RMND1: variants seen among roughly 807,000 people sequenced by gnomAD.
RMND1 encodes required for meiotic nuclear division 1 homolog, also known as required for meiotic nuclear division protein 1 homolog.
In RMND1, 41 loss-of-function variants were observed where a neutral mutation model predicts 54.0. The ratio of observed to expected loss-of-function variants is 0.76; its 90% CI spans 0.59 to 0.98. The LOEUF (loss-of-function observed/expected upper bound fraction) is 0.98. RMND1 is among the 50% of genes least tolerant of loss of function. The probability of loss-of-function intolerance (pLI) is 0.00; values close to 1 mark genes in which losing one functional copy is unlikely to be tolerated. For synonymous variants in RMND1, 183 were observed against 181.7 expected (o/e 1.01, Z -0.06); for missense variants, 457 against 532.0 (o/e 0.86, Z 1.39).
chr6:151,418,928 G>A (rs1239215446), intron 9 of RMND1, among the ~76,000 whole-genome samples: 6 of 150,530 alleles, frequency 4.0e-5, no homozygotes, highest in African/African-American at 1.2e-4. Flanking sequence ...GTGCCACCAC[G>A]CCCGGCTAAT....
Position 151,405,129 on chromosome 6 carries a change from G to T in RMND1, c.*106C>A. The T allele has an allele frequency of 1.0e-6, 1 of 983,254 alleles. No homozygotes were observed. The allele number at this position is 983,254 out of a possible 1,614,324, so 60.9% of individuals were successfully genotyped here. A position where few individuals can be genotyped will look rare whatever the true frequency, so the allele number is the denominator to read the frequency against. Reference sequence around the variant, plus strand: ...TCTCAAGCCACCCTTCTTGGCCTCCGAAAGTGCTGGGATTACAGGCATGAG... The same window carrying T: ...TCTCAAGCCACCCTTCTTGGCCTCCTAAAGTGCTGGGATTACAGGCATGAG... On this transcript the variant is annotated 3_prime_UTR_variant, in exon 12 of 12. Coordinates refer to ENST00000444024, the MANE Select transcript of RMND1 (RefSeq NM_017909.4).
chr6:151,423,390 T>C (rs1388379127), intron 7 of RMND1, 135 bp downstream of exon 7: 1 of 605,456 alleles, frequency 1.7e-6, no homozygotes, highest in Non-Finnish European at 2.9e-6. Flanking sequence ...TTTTTTCTGA[T>C]GGAGGGAAAA....
Position 151,422,040 on chromosome 6 carries a change from T to G in RMND1, c.1002+501A>C, listed in dbSNP as rs531037431. 1.1e-4 allele frequency among the ~76,000 whole-genome samples: 17 copies of G among 152,308 alleles called. 1 individual carries two copies. Among genetic ancestry groups the G allele is most frequent in the African/African-American group, 3.4e-4 (14 of 41,570 alleles). On this transcript the variant is annotated intron_variant, in intron 8 of 11. Transcript: ENST00000444024. Reference sequence around the variant, plus strand: ...AAAAAGTAATCAATATGAAGTTTCTTAATTTGTCATTTTATATGTAACTGG... The same window carrying G: ...AAAAAGTAATCAATATGAAGTTTCTGAATTTGTCATTTTATATGTAACTGG...
chr6:151,407,247 T>A (rs1390072374), intron 10 of RMND1, among the ~76,000 whole-genome samples: 1 of 152,158 alleles, frequency 6.6e-6, no homozygotes, highest in East Asian at 1.9e-4. Flanking sequence ...ATGGTCACCC[T>A]GTAGTTTCTA....
intron 2 of RMND1, among the ~76,000 whole-genome samples, chr6:151,437,771 C>A (rs190310510): frequency 2.2e-3 from 340 of 152,270 alleles, no homozygotes; most frequent in African/African-American, 7.8e-3. Context: ...CTGGCTCTTT[C>A]TCATGAAATG....
chr6:151,433,222 T>C lies in RMND1; in HGVS notation c.622A>G (p.Asn208Asp). 6.2e-7 allele frequency: 1 copy of C among 1,609,372 alleles called. No individual in the cohort carries two copies. The highest frequency in any genetic ancestry group is 8.5e-7 in the Non-Finnish European group (1 of 1,177,130). ...EVTSLPRDAA[N>D]ILVMGVENSA... ...TTTTCCACACCCATCACCAAAATAT[T>C]TGCTGCATCTGTGATTTAAAATAAA... The change falls in exon 4 of 12, where the codon AAT (asparagine) becomes GAT (aspartate). Residue 208 changes from asparagine (N) to aspartate (D), a missense_variant. Coordinates refer to ENST00000444024, the MANE Select transcript of RMND1 (RefSeq NM_017909.4).
At chr6:151,406,430 C>A (rs974453050) in intron 10 of RMND1, among the ~76,000 whole-genome samples, 1 of 152,008 alleles carries the variant, frequency 6.6e-6, no homozygotes, top group African/African-American at 2.4e-5. Context: ...TGGCGGATCT[C>A]GGCTCACTGC....
chr6:151,445,061 C>A, intron 2 of RMND1: 1 of 397,070 alleles, frequency 2.5e-6, no homozygotes, highest in Non-Finnish European at 4.4e-6. Flanking sequence ...AGACCAATAA[C>A]CAAATCTTTT....
intron 4 of RMND1, among the ~76,000 whole-genome samples, chr6:151,432,915 G>T (rs559100678): frequency 6.6e-6 from 1 of 152,262 alleles, no homozygotes; most frequent in African/African-American, 2.4e-5. Flanking sequence ...TACAAAGAAA[G>T]ACACCCCGGG....
At chr6:151,430,911 T>C (rs1300332730) in intron 4 of RMND1, among the ~76,000 whole-genome samples, 5 of 150,530 alleles carry the variant, frequency 3.3e-5, no homozygotes, top group Admixed American at 6.6e-5. Context: ...TCTTGAAACA[T>C]TTCTAAAGTA....
At chr6:151,441,959 TTAAC>T (rs1331682826) in intron 2 of RMND1, among the ~76,000 whole-genome samples, 1 of 152,176 alleles carries the variant, frequency 6.6e-6, no homozygotes, top group East Asian at 1.9e-4. Flanking sequence ...GGGGCTGAGC[TTAAC>T]TAACTGGCGT....
intron 10 of RMND1, among the ~76,000 whole-genome samples, chr6:151,410,057 A>ATTT (rs35691230): frequency 2.8e-5 from 4 of 140,432 alleles, no homozygotes; most frequent in Non-Finnish European, 4.6e-5. Flanking sequence ...TCTTTGTTCC[A>ATTT]TTTTTTTTTT....
At chr6:151,416,665 C>G (rs1780016638) in intron 10 of RMND1, 1 of 152,076 alleles carries the variant, frequency 6.6e-6, no homozygotes, top group South Asian at 2.1e-4. Context: ...CTCAGGTGAT[C>G]CATCCGCCTC....
At chr6:151,438,169 CT>C (rs1780667037) in intron 2 of RMND1, among the ~76,000 whole-genome samples, 1 of 152,168 alleles carries the variant, frequency 6.6e-6, no homozygotes, top group Non-Finnish European at 1.5e-5. Context: ...CTTTTTAAGG[CT>C]TCATGGAGTT....
chr6:151,431,467 A>C (rs950285419), intron 4 of RMND1, among the ~76,000 whole-genome samples: 8 of 152,160 alleles, frequency 5.3e-5, no homozygotes, highest in African/African-American at 1.9e-4. Context: ...TACAATAGGC[A>C]GGGATAAGGT....
Position 151,405,176 on chromosome 6 carries a change from T to G in RMND1, c.*59A>C. 6.5e-7 allele frequency: 1 copy of G among 1,534,408 alleles called. No individual in the cohort carries two copies. Among genetic ancestry groups the G allele is most frequent in the Non-Finnish European group, 9.0e-7 (1 of 1,108,570 alleles). ...TGAGGCACCGCGCCGGGCCGAACAT[T>G]TAATTTTTGATTGTAGAACTTGAAT... On this transcript the variant is annotated 3_prime_UTR_variant, in exon 12 of 12. Coordinates refer to ENST00000444024, the MANE Select transcript of RMND1 (RefSeq NM_017909.4).
intron 2 of RMND1, among the ~76,000 whole-genome samples, chr6:151,442,439 G>A (rs1228087533): frequency 6.6e-6 from 1 of 152,130 alleles, no homozygotes; most frequent in Non-Finnish European, 1.5e-5. Flanking sequence ...ATTCTCCCTG[G>A]TGTCGGGCTC....
chr6:151,433,974 T>C (rs367970127), intron 3 of RMND1, among the ~76,000 whole-genome samples: 2 of 90,830 alleles, frequency 2.2e-5, no homozygotes, highest in East Asian at 4.4e-4. Context: ...GCCTCCCAAG[T>C]AGCTTAGACT....
intron 7 of RMND1, among the ~76,000 whole-genome samples, chr6:151,423,022 T>G (rs1780199861): frequency 6.6e-6 from 1 of 152,192 alleles, no homozygotes; most frequent in African/African-American, 2.4e-5. Flanking sequence ...GACAGGACGC[T>G]GCAGCAGCCA....
Sources: allele counts gnomAD v4.1 joint callset (sites outside exome capture counted in the v4.1 genomes callset), GRCh38; gene constraint gnomAD v4.1.1; transcripts MANE v1.5; gene names NCBI Gene and HGNC (gene_info 2026-07-23, HGNC 2026-07-21).